The following TPGS2 variants were observed in gnomAD, a reference collection of about 807,000 sequenced individuals.
TPGS2 encodes polyglutamylase subunit 2.
A neutral mutation model predicts 31.1 loss-of-function variants in TPGS2; 26 were observed. The ratio of observed to expected loss-of-function variants is 0.84; its 90% CI spans 0.61 to 1.16. The LOEUF (loss-of-function observed/expected upper bound fraction) is 1.16. Ranked by LOEUF, TPGS2 falls within the 50% of genes most tolerant of loss-of-function variation. The pLI is 0.00. For missense variants in TPGS2, 351 were observed against 363.8 expected (o/e 0.96, Z 0.29); for synonymous variants, 130 against 136.6 (o/e 0.95, Z 0.34).
chr18:36,782,525 C>T (rs1430515160), downstream of TPGS2, among the ~76,000 whole-genome samples: 1 of 152,170 alleles, frequency 6.6e-6, no homozygotes, highest in Non-Finnish European at 1.5e-5. Flanking sequence ...CATCTCCTTC[C>T]CCCCGATTCT....
intron 3 of TPGS2, 89 bp from the exon 4 acceptor site, chr18:36,805,591 C>T: frequency 6.4e-7 from 1 of 1,565,362 alleles, no homozygotes; most frequent in South Asian, 1.2e-5. Context: ...AACCTAAGCC[C>T]AGGTATTGTT....
At chr18:36,826,640 C>T (rs934483633) in intron 1 of TPGS2, among the ~76,000 whole-genome samples, 1 of 152,164 alleles carries the variant, frequency 6.6e-6, no homozygotes, top group Non-Finnish European at 1.5e-5. Context: ...AGGCCCGAGA[C>T]AATAATCCTC....
chr18:36,811,824 CAG>C (rs1026970542), intron 2 of TPGS2, among the ~76,000 whole-genome samples: 1 of 152,154 alleles, frequency 6.6e-6, no homozygotes, highest in Non-Finnish European at 1.5e-5. Flanking sequence ...GCACTAGAAA[CAG>C]AAAGAGAAAT....
chr18:36,809,707 C>A (rs572738885), intron 2 of TPGS2, among the ~76,000 whole-genome samples: 1 of 152,164 alleles, frequency 6.6e-6, no homozygotes, highest in Non-Finnish European at 1.5e-5. Flanking sequence ...TTGCTCCTCT[C>A]GTCGCCCCAA....
intron 2 of TPGS2, among the ~76,000 whole-genome samples, chr18:36,814,349 A>G (rs1158537267): frequency 6.6e-6 from 1 of 152,246 alleles, no homozygotes; most frequent in Admixed American, 6.5e-5. Flanking sequence ...AACTGCACAG[A>G]GGCAGACAAA....
rs1158049308 is a variant in TPGS2, at chr18:36,794,906, T to TAAG, written c.*1896_*1898dup. 9 of 984,068 alleles carry TAAG rather than the reference T, an allele frequency of 9.1e-6. No homozygotes were observed. Among genetic ancestry groups the TAAG allele is most frequent in the Admixed American group, 6.2e-5 (1 of 16,086 alleles). 61.0% of individuals were successfully genotyped at this position (984,068 alleles called of 1,614,324 possible). A position where few individuals can be genotyped will look rare whatever the true frequency, so the allele number is the denominator to read the frequency against. On this transcript the variant is annotated 3_prime_UTR_variant, in exon 7 of 7. Coordinates refer to ENST00000334295, the MANE Select transcript of TPGS2 (RefSeq NM_015476.4). ...ACGTTTAAATGACCACACTGAATTA[T>TAAG]AAGTGGTTAGTTTTGGGATTGAAAA... is the stretch of plus-strand genomic sequence containing the variant.
intron 2 of TPGS2, among the ~76,000 whole-genome samples, chr18:36,816,657 G>A (rs2045668281): frequency 6.6e-6 from 1 of 152,138 alleles, no homozygotes; most frequent in Admixed American, 6.5e-5. Context: ...TGCCCAGGCT[G>A]GAGTGCAGTT....
chr18:36,782,088 A>G (rs746730479), downstream of TPGS2, among the ~76,000 whole-genome samples: 9 of 152,356 alleles, frequency 5.9e-5, no homozygotes, highest in South Asian at 1.0e-3. Context: ...AATGATGCAC[A>G]GACAAAAGGA....
chr18:36,807,570 T>G (rs1320969926), intron 3 of TPGS2: 1 of 439,340 alleles, frequency 2.3e-6, no homozygotes, highest in African/African-American at 2.0e-5. Context: ...GGGTTTTTTA[T>G]GTAGTAATTA....
intron 3 of TPGS2, among the ~76,000 whole-genome samples, chr18:36,807,007 A>C (rs1012776362): frequency 6.6e-6 from 1 of 151,598 alleles, no homozygotes; most frequent in Admixed American, 6.5e-5. Flanking sequence ...TTTGCAGTAC[A>C]ACAGAAGTCA....
Position 36,805,264 on chromosome 18 carries a change from G to A in TPGS2, c.382+110C>T, listed in dbSNP as rs1380235507. ...TCTTGATACTGAAATGTTGAGTGAG[G>A]TTTAATCTTTAACATTCATTCATGC... On this transcript the variant is annotated intron_variant, in intron 4 of 6. Coordinates refer to ENST00000334295, the MANE Select transcript of TPGS2 (RefSeq NM_015476.4). 3.1e-6 allele frequency: 4 copies of A among 1,290,998 alleles called. No homozygotes were observed. The African/African-American group carries it at 5.8e-5, about 19-fold the overall frequency. The allele number at this position is 1,290,998 out of a possible 1,614,324, so 80.0% of individuals were successfully genotyped here.
chr18:36,781,442 A>G (rs2044012374), downstream of TPGS2, among the ~76,000 whole-genome samples: 1 of 152,216 alleles, frequency 6.6e-6, no homozygotes, highest in Non-Finnish European at 1.5e-5. Flanking sequence ...TCACGAGGTC[A>G]GGAGATCGAG....
At chr18:36,786,834 C>A (rs1192206257) in intron 6 of TPGS2, 1 of 1,234,350 alleles carries the variant, frequency 8.1e-7, no homozygotes. Context: ...AGAAGCAACA[C>A]CTAACAGTGA....
At position 36,828,950 on chromosome 18, in the gene TPGS2, C is replaced by T; in HGVS notation, c.-183G>A. The T allele has an allele frequency of 1.0e-6, 1 of 979,452 alleles. No homozygotes were observed. Among genetic ancestry groups the T allele is most frequent in the Non-Finnish European group, 1.4e-6 (1 of 694,086 alleles). 60.7% of individuals were successfully genotyped at this position (979,452 alleles called of 1,614,324 possible). ...CAGCTCCGTGGGGCGCCGGTTCCCGCGGCCCCGCCCGGTGCCCCACACCGC... is the reference window on the plus strand; with the variant it reads ...CAGCTCCGTGGGGCGCCGGTTCCCGTGGCCCCGCCCGGTGCCCCACACCGC... On this transcript the variant is annotated 5_prime_UTR_variant, in exon 1 of 7. Transcript: ENST00000334295.
chr18:36,796,996 C>T lies in TPGS2; in HGVS notation c.712G>A (p.Glu238Lys). The change falls in exon 7 of 7, where the codon GAG (glutamate) becomes AAG (lysine). Residue 238 changes from glutamate to lysine, a missense_variant. Coordinates refer to ENST00000334295, the MANE Select transcript of TPGS2 (RefSeq NM_015476.4). The stretch of plus-strand genomic sequence containing the variant: ...AGCTTATTCACAAAGGAGTCGGTCT[C>T]TTCTGTGAGCAGGTTTGTGTTGTAG... ...ITYNTNLLTE[E>K]TDSFVNKLDP... 1.2e-6 allele frequency: 2 copies of T among 1,601,398 alleles called. No individual in the cohort carries two copies. The highest frequency in any genetic ancestry group is 2.3e-5 in the South Asian group (2 of 87,326).
Position 36,796,933 on chromosome 18 carries a change from C to T in TPGS2, c.775G>A (p.Val259Ile), listed in dbSNP as rs200753159. The change falls in exon 7 of 7, where the codon GTA becomes ATA. Residue 259 changes from valine (V) to isoleucine (I), a missense_variant. Coordinates refer to ENST00000334295, the MANE Select transcript of TPGS2 (RefSeq NM_015476.4). ...SKVFKSKNKI[V>I]IPKKKGPVQP... ...ACAGGCCCTTTCTTTTTTGGGATTA[C>T]GATCTTGTTCTTGCTCTTAAACACT... 8.1e-5 allele frequency: 130 copies of T among 1,608,366 alleles called. No homozygotes were observed. The highest frequency in any genetic ancestry group is 1.0e-4 in the Non-Finnish European group (121 of 1,178,198).
chr18:36,828,751 G>T lies in TPGS2; in HGVS notation c.17C>A (p.Ser6Ter), dbSNP rs949189017. The T allele has an allele frequency of 5.0e-6, 8 of 1,613,768 alleles. No individual in the cohort carries two copies. Among genetic ancestry groups the T allele is most frequent in the East Asian group, 2.2e-5 (1 of 44,848 alleles). MEEEA[S>*]SPGLGCSKPH... is the part of the protein sequence containing the mutation. ...CTTGCTGCAGCCCAGCCCCGGGGACGATGCCTCCTCCTCCATGGCTCGCGA... is the reference window on the plus strand; with the variant it reads ...CTTGCTGCAGCCCAGCCCCGGGGACTATGCCTCCTCCTCCATGGCTCGCGA... Residue 6 changes from serine (S) to a stop codon, truncating the protein, a stop_gained, in exon 1 of 7, where the codon TCG becomes TAG. Transcript: ENST00000334295. LOFTEE classifies it high-confidence loss of function.
Position 36,807,889 on chromosome 18 carries a change from T to C in TPGS2, c.211A>G (p.Met71Val), listed in dbSNP as rs551523591. 2.5e-6 allele frequency: 4 copies of C among 1,614,152 alleles called. No homozygotes were observed. The highest frequency in any genetic ancestry group is 3.4e-6 in the Non-Finnish European group (4 of 1,180,034). ...MPEDVKNFYL[M>V]TNGFHMTWSV... ...CATGTCATGTGGAAGCCATTGGTCATCAGGTAAAAGTTCTTCACATCTTCA... is the reference window on the plus strand; with the variant it reads ...CATGTCATGTGGAAGCCATTGGTCACCAGGTAAAAGTTCTTCACATCTTCA... Residue 71 changes from methionine (M) to valine (V), a missense_variant, in exon 3 of 7, where the codon ATG becomes GTG. Transcript: ENST00000334295.
intron 1 of TPGS2, among the ~76,000 whole-genome samples, chr18:36,823,460 G>GTTGTTTTTTT (rs1556785667): frequency 2.8e-5 from 3 of 108,110 alleles, no homozygotes; most frequent in African/African-American, 1.1e-4. Flanking sequence ...TTAACAGCTT[G>GTTGTTTTTTT]TTTTTTTTTT....
Sources: gnomAD v4.1 joint callset for allele counts (sites outside exome capture counted in the v4.1 genomes callset) on GRCh38, gnomAD v4.1.1 for gene constraint, MANE v1.5 for transcripts, NCBI Gene and HGNC (gene_info 2026-07-23, HGNC 2026-07-21) for gene names.